RBFOX2: variants seen among roughly 807,000 people sequenced by gnomAD.
RBFOX2 encodes RNA binding protein fox-1 homolog 2.
RBFOX2 carries 10 observed loss-of-function variants against 49.1 expected under a neutral mutation model. That is an observed-to-expected ratio of 0.20 (90% CI 0.13 to 0.35). The LOEUF is 0.35. RBFOX2 is among the 10% of genes least tolerant of loss of function. The pLI, the probability that RBFOX2 is intolerant of heterozygous loss-of-function variation, is 1.00. For synonymous variants in RBFOX2, 183 were observed against 187.4 expected (o/e 0.98, Z 0.19); for missense variants, 323 against 486.9 (o/e 0.66, Z 3.17).
chr22:35,916,971 T>C (rs1228429983), intron 1 of RBFOX2, among the ~76,000 whole-genome samples: 2 of 152,072 alleles, frequency 1.3e-5, no homozygotes, highest in African/African-American at 4.8e-5. Context: ...CAGTAAATAG[T>C]ACCTGGTACT....
intron 1 of RBFOX2, among the ~76,000 whole-genome samples, chr22:35,899,174 T>TAACATAA (rs2048256981): frequency 6.9e-6 from 1 of 145,100 alleles, no homozygotes; most frequent in African/African-American, 2.5e-5. Flanking sequence ...TAACATAACA[T>TAACATAA]AACAAACATA....
chr22:35,807,851 A>G (rs1838922939), intron 2 of RBFOX2, among the ~76,000 whole-genome samples: 1 of 152,150 alleles, frequency 6.6e-6, no homozygotes, highest in Non-Finnish European at 1.5e-5. Context: ...TGACCAATAA[A>G]AAAAGAGAGA....
chr22:35,841,770 A>C (rs1201224972), upstream of RBFOX2, among the ~76,000 whole-genome samples: 1 of 152,194 alleles, frequency 6.6e-6, no homozygotes, highest in East Asian at 1.9e-4. Flanking sequence ...TAACAACACG[A>C]GCTCTCCATT....
rs142401187 is a variant in RBFOX2 at position 36,011,516 on chromosome 22, C to T, written c.186+16724G>A. 5.8e-4 allele frequency among the ~76,000 whole-genome samples: 88 copies of T among 152,050 alleles called. 1 individual carries two copies. Among genetic ancestry groups the T allele is most frequent in the South Asian group, 3.5e-3 (17 of 4,810 alleles). ...ATATATATACATATATAAACTGATA[C>T]GAAATAATTTCCAAATAGAAAAGCA... is the stretch of plus-strand genomic sequence containing the variant. On this transcript the variant is annotated intron_variant, in intron 1 of 13. Coordinates refer to the RBFOX2 transcript ENST00000438146.
exon 1 of RBFOX2, chr22:36,028,321 C>A (rs1476756717): frequency 5.3e-6 from 8 of 1,510,458 alleles, no homozygotes; most frequent in East Asian, 2.8e-5. Context: ...CGTCTCCTCC[C>A]GCTCCGGGCA....
intron 1 of RBFOX2, among the ~76,000 whole-genome samples, chr22:35,826,980 T>C (rs1955897029): frequency 6.6e-6 from 1 of 152,204 alleles, no homozygotes; most frequent in African/African-American, 2.4e-5. Context: ...ATGGGGGGAT[T>C]ACTTTACTTA....
chr22:35,902,467 T>C (rs1230399694), intron 1 of RBFOX2, among the ~76,000 whole-genome samples: 1 of 152,164 alleles, frequency 6.6e-6, no homozygotes, highest in Non-Finnish European at 1.5e-5. Context: ...CCAAGCTGAC[T>C]GACTTCACTA....
chr22:35,746,375 G>A, intron 10 of RBFOX2, 98 bp downstream of exon 12: 1 of 1,124,466 alleles, frequency 8.9e-7, no homozygotes. Flanking sequence ...GATGTGCTAA[G>A]AGCTGCTGTG....
chr22:35,820,495 A>T (rs1271184661), intron 1 of RBFOX2, among the ~76,000 whole-genome samples: 1 of 151,870 alleles, frequency 6.6e-6, no homozygotes, highest in East Asian at 1.9e-4. Flanking sequence ...TTTCTAATTC[A>T]CTCAAAAAGG....
intron 1 of RBFOX2, among the ~76,000 whole-genome samples, chr22:35,857,740 A>C (rs571716204): frequency 1.3e-4 from 20 of 152,332 alleles, no homozygotes; most frequent in African/African-American, 4.8e-4. Context: ...ACAAAAGAAA[A>C]ATGGGAGGTG....
chr22:35,840,631 C>CGTGCGTGTGT, upstream of RBFOX2: 1 of 1,005,626 alleles, frequency 9.9e-7, no homozygotes, highest in Non-Finnish European at 1.2e-6. Context: ...TGCGTGTGTG[C>CGTGCGTGTGT]GTGTGTGTGT....
intron 2 of RBFOX2, among the ~76,000 whole-genome samples, chr22:35,792,652 T>C (rs2074501345): frequency 6.6e-6 from 1 of 152,166 alleles, no homozygotes; most frequent in Non-Finnish European, 1.5e-5. Context: ...ATAAGGAAAA[T>C]GAGCATTGGA....
At chr22:35,739,066 AG>A (rs1928449031) in exon 12 of RBFOX2, 1 of 153,024 alleles carries the variant, frequency 6.5e-6, no homozygotes, top group Non-Finnish European at 1.5e-5. Flanking sequence ...GCAGGGAAAC[AG>A]GACCCTGGGC....
In RBFOX2 at chr22:35,835,198, G is replaced by GA. The variant is rs942572968; in HGVS notation, c.27+4993dup. Among the ~76,000 whole-genome samples, 12 of 151,882 alleles carry GA rather than the reference G, an allele frequency of 7.9e-5. No individual in the cohort carries two copies. In the South Asian group the frequency reaches 1.5e-3, roughly 18 times the overall value. ...GATTTGACAGTGGTTTGGAAATGTT[G>GA]AAAAAAAAGAGTGAGGAATTATGAC... On this transcript the variant is annotated intron_variant, in intron 1 of 11. Coordinates refer to ENST00000405409, the Ensembl canonical transcript of RBFOX2.
At chr22:35,976,478 C>T (rs1272597071) in intron 1 of RBFOX2, among the ~76,000 whole-genome samples, 1 of 152,154 alleles carries the variant, frequency 6.6e-6, no homozygotes, top group Non-Finnish European at 1.5e-5. Flanking sequence ...ACAAATATTT[C>T]CCTTGTGTAT....
intron 1 of RBFOX2, among the ~76,000 whole-genome samples, chr22:35,921,743 T>C (rs987514378): frequency 6.6e-6 from 1 of 152,186 alleles, no homozygotes; most frequent in Admixed American, 6.5e-5. Context: ...GGTTCCAGCA[T>C]GGGAGAAAAC....
intron 1 of RBFOX2, among the ~76,000 whole-genome samples, chr22:35,971,912 TAA>T (rs527896726): frequency 0.018 from 1,005 of 56,570 alleles, 14 homozygotes; most frequent in Middle Eastern, 0.05. Flanking sequence ...TTTTTCTCCC[TAA>T]AAAAAAAAAA....
chr22:35,926,336 G>A (rs371334421), intron 1 of RBFOX2, among the ~76,000 whole-genome samples: 3 of 152,164 alleles, frequency 2.0e-5, no homozygotes, highest in South Asian at 2.1e-4. Context: ...TGAATTTCTC[G>A]ATTTTGAAAA....
intron 1 of RBFOX2, chr22:35,822,102 C>A (rs1404833689): frequency 2.3e-6 from 1 of 428,210 alleles, no homozygotes; most frequent in Admixed American, 2.6e-5. Flanking sequence ...TGGTACTCCC[C>A]AATAAAGTGT....
Sources: allele counts gnomAD v4.1 joint callset (sites outside exome capture counted in the v4.1 genomes callset), GRCh38; gene constraint gnomAD v4.1.1; transcripts MANE v1.5; gene names NCBI Gene and HGNC (gene_info 2026-07-23, HGNC 2026-07-21).